Variants in SEC14L5 observed in about 807,000 individuals in gnomAD.
The protein encoded by SEC14L5 is SEC14-like protein 5.
SEC14L5 carries 96 observed loss-of-function variants against 84.6 expected under a neutral mutation model. The ratio of observed to expected loss-of-function variants is 1.13; its 90% CI spans 0.96 to 1.34. The LOEUF (loss-of-function observed/expected upper bound fraction) is 1.34. SEC14L5 is among the 40% of genes most tolerant of loss of function. The pLI, the probability that SEC14L5 is intolerant of heterozygous loss-of-function variation, is 0.00. For synonymous variants in SEC14L5, 546 were observed against 383.4 expected (o/e 1.42, Z -4.95); for missense variants, 1,224 against 942.5 (o/e 1.30, Z -3.91).
At chr16:4,996,720 C>T in intron 7 of SEC14L5, 135 bp from the exon 8 acceptor site, 1 of 706,060 alleles carries the variant, frequency 1.4e-6, no homozygotes, top group Non-Finnish European at 2.4e-6. Context: ...TACAGGCGCA[C>T]ACCACCACGC....
intron 2 of SEC14L5, among the ~76,000 whole-genome samples, chr16:4,977,446 C>CAAAAAAAAA (rs762657125): frequency 1.4e-4 from 9 of 66,138 alleles, no homozygotes; most frequent in African/African-American, 2.0e-4. Context: ...GACTCCGTCT[C>CAAAAAAAAA]AAAAAAAAAA....
chr16:5,007,606 C>CT (rs377374416), intron 13 of SEC14L5, 120 bp downstream of exon 13: 18,579 of 560,458 alleles, frequency 0.033, 4 homozygotes, highest in East Asian at 0.059. Flanking sequence ...TTCTTTCTTT[C>CT]TTTTTTTTTT....
At chr16:4,976,243 A>G (rs1955337447) in intron 2 of SEC14L5, among the ~76,000 whole-genome samples, 1 of 152,154 alleles carries the variant, frequency 6.6e-6, no homozygotes, top group African/African-American at 2.4e-5. Flanking sequence ...CAAAGGAATT[A>G]AGGAACTGAG....
chr16:5,007,656 A>C (rs1469165014), intron 13 of SEC14L5, among the ~76,000 whole-genome samples, 170 bp downstream of exon 13: 1 of 137,478 alleles, frequency 7.3e-6, no homozygotes, highest in African/African-American at 2.8e-5. Flanking sequence ...CCCAGGCTGG[A>C]GTGCAGTGGT....
At chr16:4,988,577 C>G (rs1166946571) in intron 4 of SEC14L5, among the ~76,000 whole-genome samples, 2 of 152,082 alleles carry the variant, frequency 1.3e-5, no homozygotes, top group South Asian at 4.1e-4. Flanking sequence ...AATCTGACAA[C>G]CCTATCCTCT....
chr16:4,992,338 C>T (rs1955562142), intron 6 of SEC14L5, among the ~76,000 whole-genome samples: 1 of 152,182 alleles, frequency 6.6e-6, no homozygotes, highest in Non-Finnish European at 1.5e-5. Context: ...GCAACCTCCG[C>T]CCCCCGGGTT....
chr16:4,991,004 A>G lies in SEC14L5; in HGVS notation c.474+109A>G. 5.9e-6 allele frequency: 5 copies of G among 848,828 alleles called. 1 individual carries two copies. The highest frequency in any genetic ancestry group is 4.2e-5 in the South Asian group (2 of 48,184). 52.6% of individuals were successfully genotyped at this position (848,828 alleles called of 1,614,324 possible). On this transcript the variant is annotated intron_variant, in intron 5 of 15. Coordinates refer to ENST00000251170, the MANE Select transcript of SEC14L5 (RefSeq NM_014692.2). The stretch of plus-strand genomic sequence containing the variant: ...CCTTACCCTTCCTGGGCTCAGTGTT[A>G]TCTGTTAAATGGGTACTCTAGTAAT...
chr16:4,978,190 G>A (rs1313497830), intron 2 of SEC14L5, among the ~76,000 whole-genome samples: 5 of 28,962 alleles, frequency 1.7e-4, no homozygotes, highest in Admixed American at 1.2e-3. Flanking sequence ...CGAGACGGGC[G>A]GATCACGAGG....
intron 12 of SEC14L5, among the ~76,000 whole-genome samples, 181 bp downstream of exon 12, chr16:5,006,229 C>G (rs1449357647): frequency 6.6e-6 from 1 of 152,202 alleles, no homozygotes; most frequent in Non-Finnish European, 1.5e-5. Context: ...GAAGCTGCTT[C>G]AAAGAGAGGT....
intron 6 of SEC14L5, 81 bp from the exon 7 acceptor site, chr16:4,996,267 A>C: frequency 1.2e-6 from 1 of 833,816 alleles, no homozygotes; most frequent in African/African-American, 1.7e-5. Context: ...TGAGGCAGCC[A>C]GTAAGGAATG....
chr16:4,998,737 CAAAAAAAAAAAAAAAAAA>C (rs60494025), intron 8 of SEC14L5, among the ~76,000 whole-genome samples: 7 of 94,024 alleles, frequency 7.4e-5, no homozygotes, highest in Non-Finnish European at 6.0e-5. Flanking sequence ...GACTCCGTCT[CAAAAAAAAAAAAAAAAAA>C]AAAAAAAAAA....
chr16:5,006,136 A>T, intron 12 of SEC14L5, 88 bp downstream of exon 12: 2 of 1,414,246 alleles, frequency 1.4e-6, no homozygotes, highest in Non-Finnish European at 2.0e-6. Flanking sequence ...TGGGGCTGGG[A>T]GGTGGAGGGG....
intron 2 of SEC14L5, among the ~76,000 whole-genome samples, chr16:4,960,075 A>C (rs1955101674): frequency 6.6e-6 from 1 of 152,166 alleles, no homozygotes; most frequent in African/African-American, 2.4e-5. Context: ...TTGGAGGCCT[A>C]GAATTGGCTG....
At chr16:4,966,840 C>T (rs1259884010) in intron 2 of SEC14L5, among the ~76,000 whole-genome samples, 3 of 152,188 alleles carry the variant, frequency 2.0e-5, no homozygotes, top group Middle Eastern at 3.2e-3. Context: ...ATGGTCCCAG[C>T]GGAGGCAGTT....
chr16:5,003,084 A>G (rs1160666274), intron 10 of SEC14L5, among the ~76,000 whole-genome samples: 1 of 152,238 alleles, frequency 6.6e-6, no homozygotes, highest in South Asian at 2.1e-4. Flanking sequence ...AGAGCTTTGT[A>G]TATACCATCT....
At chr16:5,014,040 T>A (rs1188264030) in intron 15 of SEC14L5, among the ~76,000 whole-genome samples, 1 of 152,222 alleles carries the variant, frequency 6.6e-6, no homozygotes, top group Non-Finnish European at 1.5e-5. Context: ...TGCTGCCAGT[T>A]CCCAGACCAT....
Position 5,008,573 on chromosome 16 carries a change from C to T in SEC14L5, c.1725C>T (p.Asp575=). The change falls in exon 14 of 16, where the codon GAC becomes GAT. Residue 575 remains aspartate (D), a synonymous_variant. Transcript: ENST00000251170. ...CCAGGGCCAGCGGGCAGCTGATCGA[C>T]AAAGGCTGGGTCCTGGGCAGGGATT... is the stretch of plus-strand genomic sequence containing the variant. The part of the protein sequence containing the change: ...PGTRASGQLI[D]KGWVLGRDYS... 1 of 1,607,778 alleles carries T rather than the reference C, an allele frequency of 6.2e-7. No homozygotes were observed.
At chr16:4,961,299 C>T (rs1244346347) in intron 2 of SEC14L5, among the ~76,000 whole-genome samples, 2 of 140,350 alleles carry the variant, frequency 1.4e-5, no homozygotes, top group Non-Finnish European at 3.2e-5. Flanking sequence ...ACAACAACAA[C>T]AACAAAGTTG....
chr16:5,000,646 T>A lies in SEC14L5; in HGVS notation c.971-9T>A. ...GGGCTCTTCTTTCTGCTTGGCCCCA[T>A]CCACAAAGATGGCCGCCCCCTCTAC... On this transcript the variant is annotated splice_polypyrimidine_tract_variant and intron_variant, in intron 8 of 15. Coordinates refer to ENST00000251170, the MANE Select transcript of SEC14L5 (RefSeq NM_014692.2). 6.5e-7 allele frequency: 1 copy of A among 1,549,504 alleles called. No individual in the cohort carries two copies. The highest frequency in any genetic ancestry group is 8.7e-7 in the Non-Finnish European group (1 of 1,145,578).
Sources: allele counts gnomAD v4.1 joint callset (sites outside exome capture counted in the v4.1 genomes callset), GRCh38; gene constraint gnomAD v4.1.1; transcripts MANE v1.5; gene names NCBI Gene and HGNC (gene_info 2026-07-23, HGNC 2026-07-21).